Variants in ZFHX3 observed in about 807,000 individuals in gnomAD.
The protein encoded by ZFHX3 is zinc finger homeobox 3.
Under a neutral mutation model 279.1 loss-of-function variants are expected in ZFHX3, and 42 were observed. The ratio of observed to expected loss-of-function variants is 0.15; its 90% CI spans 0.12 to 0.19. The LOEUF is 0.19. Among genes scored for constraint, ZFHX3 ranks in the 10% least tolerant of loss-of-function variants. The probability of loss-of-function intolerance (pLI) is 1.00; values close to 1 mark genes in which losing one functional copy is unlikely to be tolerated. For synonymous variants in ZFHX3, 2,293 were observed against 1,957.8 expected (o/e 1.17, Z -4.52); for missense variants, 4,981 against 4,754.0 (o/e 1.05, Z -1.40).
chr16:72,987,372 A>G (rs1047441490), intron 1 of ZFHX3, among the ~76,000 whole-genome samples: 6 of 152,176 alleles, frequency 3.9e-5, no homozygotes, highest in Non-Finnish European at 7.3e-5. Flanking sequence ...GATGATGTGG[A>G]GGCTGCTTCC....
At chr16:72,991,301 A>C (rs1963080384) in intron 1 of ZFHX3, among the ~76,000 whole-genome samples, 1 of 152,216 alleles carries the variant, frequency 6.6e-6, no homozygotes, top group South Asian at 2.1e-4. Context: ...GGTAGAGAAA[A>C]AAACATAGTC....
chr16:73,434,082 AGTTATCAACT>A (rs1468360367), intron 3 of ZFHX3, among the ~76,000 whole-genome samples: 1 of 152,208 alleles, frequency 6.6e-6, no homozygotes, highest in Non-Finnish European at 1.5e-5. Flanking sequence ...AGTGGTCAGT[AGTTATCAACT>A]GTCAATAAAC....
intron 2 of ZFHX3, among the ~76,000 whole-genome samples, chr16:73,659,514 C>G (rs1168912069): frequency 6.6e-6 from 1 of 152,036 alleles, no homozygotes; most frequent in Non-Finnish European, 1.5e-5. Flanking sequence ...CAGAGATTCC[C>G]AGGGCACCAT....
chr16:73,425,807 C>T (rs1033237100), intron 3 of ZFHX3, among the ~76,000 whole-genome samples: 7 of 152,006 alleles, frequency 4.6e-5, no homozygotes, highest in South Asian at 2.1e-4. Flanking sequence ...CAGATCATTG[C>T]GAAAATCAGA....
chr16:73,606,178 T>C (rs1318597534), intron 2 of ZFHX3, among the ~76,000 whole-genome samples: 1 of 55,690 alleles, frequency 1.8e-5, no homozygotes, highest in African/African-American at 8.5e-5. Context: ...CTAGGCTCCA[T>C]CTAAAAAAAA....
chr16:72,941,306 A>T (rs891745170), intron 3 of ZFHX3, among the ~76,000 whole-genome samples: 4 of 152,260 alleles, frequency 2.6e-5, no homozygotes, highest in African/African-American at 9.6e-5. Context: ...CAAAAACTGG[A>T]TATCATCATT....
chr16:73,637,849 G>GA (rs1367177552), intron 2 of ZFHX3, among the ~76,000 whole-genome samples: 1 of 151,964 alleles, frequency 6.6e-6, no homozygotes, highest in Non-Finnish European at 1.5e-5. Flanking sequence ...TCCCCCACTA[G>GA]AAAATAAGAC....
chr16:72,846,016 A>G (rs1411440641), intron 4 of ZFHX3, among the ~76,000 whole-genome samples: 1 of 152,126 alleles, frequency 6.6e-6, no homozygotes, highest in Non-Finnish European at 1.5e-5. Context: ...CTGTCTGTCC[A>G]TCCATCCGCC....
At chr16:73,704,772 C>T (rs935620956) in intron 1 of ZFHX3, among the ~76,000 whole-genome samples, 1 of 152,206 alleles carries the variant, frequency 6.6e-6, no homozygotes, top group Non-Finnish European at 1.5e-5. Context: ...TGTGATCAAG[C>T]CAGTTACCAC....
At chr16:73,876,688 G>T (rs1460846857) in intron 1 of ZFHX3, among the ~76,000 whole-genome samples, 1 of 152,154 alleles carries the variant, frequency 6.6e-6, no homozygotes, top group Non-Finnish European at 1.5e-5. Flanking sequence ...ATTAGCATAG[G>T]CTTTTTTCCC....
intron 2 of ZFHX3, among the ~76,000 whole-genome samples, chr16:73,538,226 A>G (rs186842175): frequency 1.3e-5 from 2 of 152,128 alleles, no homozygotes; most frequent in Admixed American, 1.3e-4. Flanking sequence ...AGCCTAAAAT[A>G]AAAAAATGGA....
intron 2 of ZFHX3, among the ~76,000 whole-genome samples, chr16:73,584,062 T>C (rs72801451): frequency 0.049 from 7,496 of 152,256 alleles, 238 homozygotes; most frequent in Non-Finnish European, 0.073. Context: ...TGGAAATAGG[T>C]GAAGACAGAA....
intron 1 of ZFHX3, among the ~76,000 whole-genome samples, chr16:72,998,580 A>G (rs996397026): frequency 6.6e-6 from 1 of 152,230 alleles, no homozygotes; most frequent in African/African-American, 2.4e-5. Flanking sequence ...CCACACTCAC[A>G]GTATGGCTCA....
intron 2 of ZFHX3, among the ~76,000 whole-genome samples, chr16:73,517,254 T>C (rs1486075367): frequency 1.3e-5 from 2 of 152,204 alleles, no homozygotes; most frequent in East Asian, 3.9e-4. Context: ...GCCATCCCTG[T>C]TTGGGGATCT....
rs1029045693 is a variant in ZFHX3, at chr16:73,213,223, C to T, written c.-1104+43824G>A. 1.6e-4 allele frequency among the ~76,000 whole-genome samples: 25 copies of T among 152,274 alleles called. 1 individual carries two copies. Among genetic ancestry groups the T allele is most frequent in the Admixed American group, 1.0e-3 (16 of 15,288 alleles). On this transcript the variant is annotated intron_variant, in intron 5 of 17. Transcript: ENST00000641206. ...TGATAGCACCCAGCCTTTGATTACT[C>T]CAGTGTGCCAAACAAACAGAATCAC...
chr16:72,992,373 C>A (rs180865334), intron 1 of ZFHX3, among the ~76,000 whole-genome samples: 1 of 152,308 alleles, frequency 6.6e-6, no homozygotes, highest in African/African-American at 2.4e-5. Flanking sequence ...TCCCCTCCAA[C>A]AGCTATCACA....
chr16:73,855,087 G>A (rs1271017381), intron 1 of ZFHX3, among the ~76,000 whole-genome samples: 1 of 151,978 alleles, frequency 6.6e-6, no homozygotes, highest in Non-Finnish European at 1.5e-5. Context: ...AAACAATAAG[G>A]ACCTTACATT....
intron 2 of ZFHX3, among the ~76,000 whole-genome samples, chr16:73,661,213 G>A (rs2052780994): frequency 6.6e-6 from 1 of 152,204 alleles, no homozygotes; most frequent in Admixed American, 6.5e-5. Context: ...TAATAAACCA[G>A]AAGCAAAGAA....
intron 5 of ZFHX3, among the ~76,000 whole-genome samples, chr16:73,240,426 C>T (rs1259644106): frequency 2.6e-5 from 4 of 152,088 alleles, no homozygotes; most frequent in Non-Finnish European, 4.4e-5. Context: ...CCCATGTTCG[C>T]CAGTCTGATC....
Sources: allele counts gnomAD v4.1 joint callset (sites outside exome capture counted in the v4.1 genomes callset), GRCh38; gene constraint gnomAD v4.1.1; transcripts MANE v1.5; gene names NCBI Gene and HGNC (gene_info 2026-07-23, HGNC 2026-07-21).